SLC41A1: variants seen among roughly 807,000 people sequenced by gnomAD.
SLC41A1 encodes the protein solute carrier family 41 member 1, also known as solute carrier family 41 (magnesium transporter), member 1.
Under a neutral mutation model 47.3 loss-of-function variants are expected in SLC41A1, and 20 were observed. That is an observed-to-expected ratio of 0.42 (90% CI 0.30 to 0.61). The LOEUF is 0.61. Ranked by LOEUF, SLC41A1 falls within the 20% of genes least tolerant of loss-of-function variation. The pLI is 0.17. For synonymous variants in SLC41A1, 282 were observed against 272.7 expected, an observed-to-expected ratio of 1.03 and a Z score of -0.34; for missense variants, 504 against 674.1, an observed-to-expected ratio of 0.75 and a Z score of 2.79.
intron 2 of SLC41A1, among the ~76,000 whole-genome samples, chr1:205,809,810 C>G (rs1656103246): frequency 6.6e-6 from 1 of 152,170 alleles, no homozygotes; most frequent in South Asian, 2.1e-4. Flanking sequence ...TCTCCTCTCC[C>G]AAGCCTGAGC....
rs770081187 is a variant in SLC41A1 at position 205,810,378 on chromosome 1, G to T, written c.64C>A (p.Pro22Thr). ...CTCCCTGGGCCATCTGAAGAGCAGG[G>T]AGAGGCAGAAGGGCCAGTCCCGTTC... ...QLNGTGPSASPCSSDGPGREP... is the reference protein window; with the variant it reads ...QLNGTGPSASTCSSDGPGREP... The change falls in exon 2 of 11, where the codon CCC (proline) becomes ACC (threonine). Residue 22 changes from proline to threonine, a missense_variant. By Grantham distance (38) the Pro-to-Thr change is conservative (BLOSUM62 -1). Around this residue, in one of 2 missense-constraint regions of SLC41A1, gnomAD observed 83 missense variants for 72.5 expected, o/e 1.15. Coordinates refer to ENST00000367137, the MANE Select transcript of SLC41A1 (RefSeq NM_173854.6). The surrounding 1 kb of genome is among the most constrained non-coding windows in gnomAD (Gnocchi z 5.5). 6.2e-7 allele frequency: 1 copy of T among 1,614,236 alleles called. No individual in the cohort carries two copies. Among genetic ancestry groups the T allele is most frequent in the South Asian group, 1.1e-5 (1 of 91,086 alleles).
At position 205,794,853 on chromosome 1, in the gene SLC41A1, C is replaced by T. The variant is rs1175955048; in HGVS notation, c.1356+17G>A. On this transcript the variant is annotated intron_variant, in intron 10 of 10. Transcript: ENST00000367137. ...ATCCTGGCTCCTTCCCATGCCCCTG[C>T]TCCTGCCACTTTGTACCTGGAGCAG... 3.1e-6 allele frequency: 5 copies of T among 1,613,516 alleles called. No individual in the cohort carries two copies. The Admixed American group carries it at 5.0e-5, about 16-fold the overall frequency.
In SLC41A1 at chr1:205,812,946, C is replaced by G; in HGVS notation, c.-785G>C. ...GGCCCCCGGCGTGCCCCCCCACACC[C>G]CCAGCCAAGGCGAGCGTCCAGCCGC... On this transcript the variant is annotated 5_prime_UTR_variant, in exon 1 of 11. Transcript: ENST00000367137. The G allele has an allele frequency of 1.0e-6, 1 of 985,876 alleles. No individual in the cohort carries two copies. Among genetic ancestry groups the G allele is most frequent in the Non-Finnish European group, 1.2e-6 (1 of 830,284 alleles). 61.1% of individuals were successfully genotyped at this position (985,876 alleles called of 1,614,324 possible). A position where few individuals can be genotyped will look rare whatever the true frequency, so the allele number is the denominator to read the frequency against.
rs778963630 is a variant in SLC41A1 at position 205,799,018 on chromosome 1, C to T, written c.636G>A (p.Pro212=). 2.2e-5 allele frequency: 36 copies of T among 1,613,866 alleles called. No individual in the cohort carries two copies. Among genetic ancestry groups the T allele is most frequent in the East Asian group, 4.5e-5 (2 of 44,874 alleles). The part of the protein sequence containing the change: ...GWIPDGHFSI[P]HAFLLCASSV... ...TGCTAGCACAGAGCAGGAAGGCGTG[C>T]GGAATACTGAAGTGGCCATCAGGGA... Residue 212 remains proline, a synonymous_variant, in exon 5 of 11, where the codon CCG becomes CCA. Transcript: ENST00000367137.
At chr1:205,795,733 T>G in intron 8 of SLC41A1, 1 of 571,650 alleles carries the variant, frequency 1.7e-6, no homozygotes, top group Non-Finnish European at 3.1e-6. Flanking sequence ...AGCAGTTCCA[T>G]GTTCCCCTGG....
intron 10 of SLC41A1, among the ~76,000 whole-genome samples, chr1:205,794,306 C>A (rs892549275): frequency 7.2e-5 from 11 of 151,904 alleles, no homozygotes; most frequent in Non-Finnish European, 1.5e-4. Context: ...ATTTCTGAAC[C>A]TTTTTTTTGA....
chr1:205,810,993 T>C lies in SLC41A1; in HGVS notation c.-552A>G. 6.2e-6 allele frequency: 1 copy of C among 160,152 alleles called. No individual in the cohort carries two copies. The highest frequency in any genetic ancestry group is 1.8e-4 in the South Asian group (1 of 5,560). 9.9% of individuals were successfully genotyped at this position (160,152 alleles called of 1,614,324 possible). ...GTCCCAGCGCAGCGTCTGCCGTCTT[T>C]CCCTTCTCTTCCAGAAACTTCCTCC... On this transcript the variant is annotated 5_prime_UTR_variant, in exon 2 of 11. Transcript: ENST00000367137. The surrounding 1 kb of genome is among the most constrained non-coding windows in gnomAD (Gnocchi z 5.5).
At position 205,790,079 on chromosome 1, in the gene SLC41A1, C is replaced by T. The variant is rs1296147219; in HGVS notation, c.*1454G>A. 2 of 152,220 alleles carry T rather than the reference C, an allele frequency of 1.3e-5. No individual in the cohort carries two copies. The highest frequency in any genetic ancestry group is 2.1e-4 in the South Asian group (1 of 4,828). The allele number at this position is 152,220 out of a possible 1,614,324, so 9.4% of individuals were successfully genotyped here. On this transcript the variant is annotated 3_prime_UTR_variant, in exon 11 of 11. Coordinates refer to ENST00000367137, the MANE Select transcript of SLC41A1 (RefSeq NM_173854.6). The stretch of plus-strand genomic sequence containing the variant: ...GAGGGAAGGGAATGTGAGGAAGGGT[C>T]GTTTAGGGAAATAAATACTGGTTGA...
At chr1:205,803,134 A>T (rs1571647013) in intron 2 of SLC41A1, among the ~76,000 whole-genome samples, 1 of 152,084 alleles carries the variant, frequency 6.6e-6, no homozygotes, top group Non-Finnish European at 1.5e-5. Flanking sequence ...GTGCCACTGC[A>T]CTCCAGCCTG....
chr1:205,801,204 C>A (rs1655870799), intron 2 of SLC41A1, 144 bp from the exon 3 acceptor site: 6 of 680,614 alleles, frequency 8.8e-6, no homozygotes, highest in Middle Eastern at 3.1e-4. Flanking sequence ...CTCCAAGAAC[C>A]TTGGAACCAA....
rs554298471 is a variant in SLC41A1, at chr1:205,792,310, G to A, written c.1357-592C>T. On this transcript the variant is annotated intron_variant, in intron 10 of 10. Coordinates refer to ENST00000367137, the MANE Select transcript of SLC41A1 (RefSeq NM_173854.6). Reference sequence around the variant, plus strand: ...GCTTTTCATTCCATTCTTTTCCATTGTTTGGGCTCAAAGAATGCAAGTTTA... The same window carrying A: ...GCTTTTCATTCCATTCTTTTCCATTATTTGGGCTCAAAGAATGCAAGTTTA... 2.6e-5 allele frequency among the ~76,000 whole-genome samples: 4 copies of A among 152,168 alleles called. No individual in the cohort carries two copies. The East Asian group carries it at 7.7e-4, about 29-fold the overall frequency.
chr1:205,796,018 T>C (rs1655741968), intron 8 of SLC41A1: 1 of 210,884 alleles, frequency 4.7e-6, no homozygotes, highest in East Asian at 1.2e-4. Flanking sequence ...GATTTCTCTG[T>C]TGCCCTCACA....
chr1:205,799,465 A>G (rs1034709229), intron 4 of SLC41A1, among the ~76,000 whole-genome samples: 5 of 152,166 alleles, frequency 3.3e-5, no homozygotes, highest in African/African-American at 1.2e-4. Context: ...ATGGGACAGC[A>G]GTGGCACAGG....
intron 9 of SLC41A1, 114 bp from the exon 10 acceptor site, chr1:205,795,132 T>C (rs995106881): frequency 1.8e-5 from 26 of 1,473,084 alleles, no homozygotes; most frequent in Non-Finnish European, 2.3e-5. Flanking sequence ...GACAGATGAA[T>C]GTCTCTACTT....
rs373916268 is a variant in SLC41A1 at position 205,789,587 on chromosome 1, G to C, written c.*1946C>G. 18 of 152,360 alleles carry C rather than the reference G, an allele frequency of 1.2e-4. 2 individuals carry two copies. The highest frequency in any genetic ancestry group is 4.3e-4 in the African/African-American group (18 of 41,562). The allele number at this position is 152,360 out of a possible 1,614,324, so 9.4% of individuals were successfully genotyped here. ...TGAGGTGGAGGAAAAGATGAAAAAA[G>C]TCCAGAGGGAGGAGGAAAAACAAGC... On this transcript the variant is annotated 3_prime_UTR_variant, in exon 11 of 11. Transcript: ENST00000367137.
At chr1:205,806,923 T>C (rs1656026342) in intron 2 of SLC41A1, among the ~76,000 whole-genome samples, 1 of 152,152 alleles carries the variant, frequency 6.6e-6, no homozygotes, top group African/African-American at 2.4e-5. Context: ...CCAAGTTTTC[T>C]ACAGCAGCAA....
At chr1:205,793,074 C>G (rs1655661043) in intron 10 of SLC41A1, among the ~76,000 whole-genome samples, 2 of 152,200 alleles carry the variant, frequency 1.3e-5, no homozygotes, top group African/African-American at 2.4e-5. Context: ...GGCTCCCCTA[C>G]CTTCCATAAC....
intron 1 of SLC41A1, among the ~76,000 whole-genome samples, chr1:205,811,570 G>A (rs368741433): frequency 6.6e-6 from 1 of 152,218 alleles, no homozygotes; most frequent in Non-Finnish European, 1.5e-5. Flanking sequence ...GCAACAGAAA[G>A]ACAGCCACAC....
chr1:205,803,632 CTTTT>C (rs140199204), intron 2 of SLC41A1, among the ~76,000 whole-genome samples: 22,239 of 121,084 alleles, frequency 0.18, 2,195 homozygotes, highest in African/African-American at 0.34. Context: ...TAGTCAAATT[CTTTT>C]TTTTTTTTTT....
Sources: allele counts gnomAD v4.1 joint callset (sites outside exome capture counted in the v4.1 genomes callset), GRCh38; gene constraint gnomAD v4.1.1; regional missense constraint gnomAD v4.1.1; non-coding constraint Gnocchi (gnomAD v3.1); transcripts MANE v1.5; gene names NCBI Gene and HGNC (gene_info 2026-07-23, HGNC 2026-07-21).